The following ACOX2 variants were observed in gnomAD, a reference collection of about 807,000 sequenced individuals.
The protein encoded by ACOX2 is peroxisomal acyl-coenzyme A oxidase 2.
ACOX2 carries 59 observed loss-of-function variants against 77.5 expected under a neutral mutation model. The ratio of observed to expected loss-of-function variants is 0.76; its 90% CI spans 0.62 to 0.95. The LOEUF is 0.95. Ranked by LOEUF, ACOX2 falls within the 40% of genes least tolerant of loss-of-function variation. The pLI is 0.00. For missense variants in ACOX2, 837 were observed against 880.4 expected (o/e 0.95, Z 0.62); for synonymous variants, 317 against 340.1 (o/e 0.93, Z 0.75).
In ACOX2 at chr3:58,533,334, A is replaced by C; in HGVS notation, c.583+111T>G. ...CTGACTTGCCCAAGGTCAGCAGCCTAGAACAGAAAATCAATCTGAGGTCTG... is the reference window on the plus strand; with the variant it reads ...CTGACTTGCCCAAGGTCAGCAGCCTCGAACAGAAAATCAATCTGAGGTCTG... On this transcript the variant is annotated intron_variant, in intron 5 of 14. Transcript: ENST00000302819. This position sits in a 1 kb window ranked among gnomAD's most constrained non-coding sequence, Gnocchi z 5.6. 1 of 1,004,324 alleles carries C rather than the reference A, an allele frequency of 1.0e-6. No homozygotes were observed. Among genetic ancestry groups the C allele is most frequent in the South Asian group, 1.5e-5 (1 of 68,600 alleles). The allele number at this position is 1,004,324 out of a possible 1,614,324, so 62.2% of individuals were successfully genotyped here.
rs60942766 is a variant in ACOX2, at chr3:58,510,709, TACACAC to T, written c.1851-1690_1851-1685del. On this transcript the variant is annotated intron_variant, in intron 13 of 14. Transcript: ENST00000302819. ...ATATATATATATATATATATATATA[TACACAC>T]ACACACACACACACACACACACACA... is the stretch of plus-strand genomic sequence containing the variant. Among the ~76,000 whole-genome samples, 22 of 7,262 alleles carry T rather than the reference TACACAC, an allele frequency of 3.0e-3. 1 individual carries two copies. Among genetic ancestry groups the T allele is most frequent in the South Asian group, 6.3e-3 (1 of 158 alleles). The allele number at this position is 7,262 out of a possible 152,430, so 4.8% of individuals were successfully genotyped here. A position where few individuals can be genotyped will look rare whatever the true frequency, so the allele number is the denominator to read the frequency against.
Position 58,526,192 on chromosome 3 carries a change from C to T in ACOX2, c.1346+274G>A, listed in dbSNP as rs1051295607. ...CAAACCAGAGAAAGATGTGATCCTC[C>T]CTAGGCTCTGAACAGATCCCTCCGG... On this transcript the variant is annotated intron_variant, in intron 10 of 14. Transcript: ENST00000302819. This position sits in a 1 kb window ranked among gnomAD's most constrained non-coding sequence, Gnocchi z 4.3. 5.9e-5 allele frequency among the ~76,000 whole-genome samples: 9 copies of T among 152,082 alleles called. No homozygotes were observed. The East Asian group carries it at 1.7e-3, about 29-fold the overall frequency.
Position 58,523,330 on chromosome 3 carries a change from C to T in ACOX2, c.1527-729G>A, listed in dbSNP as rs1265471707. On this transcript the variant is annotated intron_variant, in intron 11 of 14. Coordinates refer to ENST00000302819, the MANE Select transcript of ACOX2 (RefSeq NM_003500.4). The surrounding 1 kb of genome is among the most constrained non-coding windows in gnomAD (Gnocchi z 5.3). ...ATCACCTCGAGCAGCCTTATCTTCC[C>T]CTCCTCAAATCTCCCAATTGAAATG... 4.6e-5 allele frequency among the ~76,000 whole-genome samples: 7 copies of T among 152,260 alleles called. No homozygotes were observed. The East Asian group carries it at 1.2e-3, about 25-fold the overall frequency.
Position 58,519,792 on chromosome 3 carries a change from G to A in ACOX2, c.1633-2369C>T, listed in dbSNP as rs896762984. On this transcript the variant is annotated intron_variant, in intron 12 of 14. Transcript: ENST00000302819. The surrounding 1 kb of genome is among the most constrained non-coding windows in gnomAD (Gnocchi z 5.0). ...CAGCCATGCTGGGCTTGCAGCATTT[G>A]GCTGTGGAAGGTGAGCAGATGTGCT... Among the ~76,000 whole-genome samples the A allele has an allele frequency of 3.3e-5, 5 of 152,270 alleles. No homozygotes were observed. Among genetic ancestry groups the A allele is most frequent in the African/African-American group, 1.2e-4 (5 of 41,470 alleles).
chr3:58,509,837 C>G (rs1224627012), intron 13 of ACOX2, among the ~76,000 whole-genome samples: 1 of 151,932 alleles, frequency 6.6e-6, no homozygotes, highest in Non-Finnish European at 1.5e-5. Context: ...AATTCCTGAC[C>G]TCAGGTGATC....
chr3:58,514,697 T>C lies in ACOX2; in HGVS notation c.1850+2509A>G, dbSNP rs967251396. 8.5e-5 allele frequency among the ~76,000 whole-genome samples: 13 copies of C among 152,254 alleles called. No individual in the cohort carries two copies. Reference sequence around the variant, plus strand: ...GTTGGCAGATTGCATCTGGGCTGTCTGTCTTGTCTTGAATTGTAAGTTTCT... The same window carrying C: ...GTTGGCAGATTGCATCTGGGCTGTCCGTCTTGTCTTGAATTGTAAGTTTCT... On this transcript the variant is annotated intron_variant, in intron 13 of 14. Coordinates refer to ENST00000302819, the MANE Select transcript of ACOX2 (RefSeq NM_003500.4). The surrounding 1 kb of genome is among the most constrained non-coding windows in gnomAD (Gnocchi z 4.3).
Position 58,534,752 on chromosome 3 carries a change from C to T in ACOX2, c.160+195G>A. The T allele has an allele frequency of 7.6e-7, 1 of 1,317,180 alleles. No homozygotes were observed. 81.6% of individuals were successfully genotyped at this position (1,317,180 alleles called of 1,614,324 possible). ...TCCAGGTCTTCTGCTGCCTAGGACTCTTCTATCCCCTAGGTGGGCTCAGGC... is the reference window on the plus strand; with the variant it reads ...TCCAGGTCTTCTGCTGCCTAGGACTTTTCTATCCCCTAGGTGGGCTCAGGC... On this transcript the variant is annotated intron_variant, in intron 2 of 14. Transcript: ENST00000302819. This position sits in a 1 kb window ranked among gnomAD's most constrained non-coding sequence, Gnocchi z 4.8.
intron 13 of ACOX2, chr3:58,511,428 C>T (rs577351657): frequency 1.7e-4 from 44 of 255,424 alleles, no homozygotes; most frequent in African/African-American, 1.0e-3. Flanking sequence ...TTCTTACAGT[C>T]ATGCTTTGGT....
At chr3:58,509,387 T>C (rs7644286) in intron 13 of ACOX2, among the ~76,000 whole-genome samples, 148,811 of 151,544 alleles carry the variant, frequency 0.98, 73,117 homozygotes, top group East Asian at 1. Flanking sequence ...ATTAGCCAGG[T>C]ATGGTGGCAC....
Position 58,534,100 on chromosome 3 carries a change from C to T in ACOX2, c.369G>A (p.Val123=). The change falls in exon 4 of 15, where the codon GTG becomes GTA. Residue 123 remains valine, a synonymous_variant. Coordinates refer to ENST00000302819, the MANE Select transcript of ACOX2 (RefSeq NM_003500.4). The surrounding 1 kb of genome is among the most constrained non-coding windows in gnomAD (Gnocchi z 4.8). ...CTGAGCCCAGGCTCCTGAGGGCTCTCACGAAGACTCTGTGTATATTTAAGG... is the reference window on the plus strand; with the variant it reads ...CTGAGCCCAGGCTCCTGAGGGCTCTTACGAAGACTCTGTGTATATTTAAGG... The part of the protein sequence containing the change: ...DVALNIHRVF[V]RALRSLGSEE... The T allele has an allele frequency of 6.2e-7, 1 of 1,614,186 alleles. No individual in the cohort carries two copies. The highest frequency in any genetic ancestry group is 8.5e-7 in the Non-Finnish European group (1 of 1,180,028).
In ACOX2 at chr3:58,526,470, CCA is replaced by C. The variant is rs1449438057; in HGVS notation, c.1340_1341del (p.Val447GlyfsTer34). 6.2e-7 allele frequency: 1 copy of C among 1,611,280 alleles called. No individual in the cohort carries two copies. ...CTGGGTCAGCCTGGACCTTACCTGG[CCA>C]CCTGCAGGTAGAGCACTGTGTTCTC... ...EGENTVLYLQ[V>X]ARFLVKSYLQ... On this transcript the variant is annotated frameshift_variant, in exon 10 of 15. Transcript: ENST00000302819. LOFTEE classifies it high-confidence loss of function. This position sits in a 1 kb window ranked among gnomAD's most constrained non-coding sequence, Gnocchi z 4.3.
chr3:58,531,608 C>T lies in ACOX2; in HGVS notation c.703+85G>A. On this transcript the variant is annotated intron_variant, in intron 6 of 14. Coordinates refer to ENST00000302819, the MANE Select transcript of ACOX2 (RefSeq NM_003500.4). This position sits in a 1 kb window ranked among gnomAD's most constrained non-coding sequence, Gnocchi z 5.8. The stretch of plus-strand genomic sequence containing the variant: ...CAAGGGAGACATGTCTTAGCTACTC[C>T]TGTGGCCCTCTGGGGCCCCAGGTCA... The T allele has an allele frequency of 6.4e-7, 1 of 1,555,824 alleles. No individual in the cohort carries two copies. The highest frequency in any genetic ancestry group is 1.2e-5 in the South Asian group (1 of 81,444).
At chr3:58,527,592 A>T (rs539562251) in intron 9 of ACOX2, among the ~76,000 whole-genome samples, 5 of 152,060 alleles carry the variant, frequency 3.3e-5, no homozygotes, top group South Asian at 4.1e-4. Context: ...ACACAGCAAA[A>T]AGCCGTTCAG....
rs538638231 is a variant in ACOX2 at position 58,533,536 on chromosome 3, G to A, written c.492C>T (p.Gly164=). ...CGTCATAGGTGGCTTCAGTCTCCAG[G>A]CCCTGAAGATATGTCCCTTAGGATC... The part of the protein sequence containing the change: ...TELGHGTYLQ[G]LETEATYDAA... The change falls in exon 5 of 15, where the codon GGC becomes GGT. Residue 164 remains glycine (G), a synonymous_variant. Transcript: ENST00000302819. This position sits in a 1 kb window ranked among gnomAD's most constrained non-coding sequence, Gnocchi z 5.6. The A allele has an allele frequency of 6.2e-7, 1 of 1,614,000 alleles. No individual in the cohort carries two copies. Among genetic ancestry groups the A allele is most frequent in the South Asian group, 1.1e-5 (1 of 91,068 alleles).
intron 1 of ACOX2, among the ~76,000 whole-genome samples, chr3:58,536,464 A>C (rs894448762): frequency 9.2e-5 from 14 of 152,182 alleles, no homozygotes; most frequent in Non-Finnish European, 1.6e-4. Context: ...TCATGCAACC[A>C]CATGTAGCAA....
At chr3:58,530,737 G>A (rs9844590) in intron 7 of ACOX2, 99 bp from the exon 8 acceptor site, 47,388 of 1,372,748 alleles carry the variant, frequency 0.035, 2,121 homozygotes, top group East Asian at 0.21. Context: ...AGGGCACCTC[G>A]CCCCTCAACC....
chr3:58,506,115 G>A (rs891179470), intron 14 of ACOX2, among the ~76,000 whole-genome samples: 4 of 152,180 alleles, frequency 2.6e-5, no homozygotes, highest in Non-Finnish European at 5.9e-5. Flanking sequence ...TTGTTCTCCA[G>A]TGTATCTTCA....
chr3:58,510,668 ATATATATATATATATAT>A (rs2063276052), intron 13 of ACOX2, among the ~76,000 whole-genome samples: 2 of 7,396 alleles, frequency 2.7e-4, no homozygotes, highest in South Asian at 6.6e-3. Context: ...AAAAAAATAT[ATATATATATATATATAT>A]ATATATATAT....
chr3:58,535,109 T>C lies in ACOX2; in HGVS notation c.-3A>G, dbSNP rs1451320336. The C allele has an allele frequency of 6.2e-7, 1 of 1,614,210 alleles. No individual in the cohort carries two copies. ...ACTCGGTGCACTGGGCTGCCCATCCTATCCTGGATCTGTCTGGTGACTATG... is the reference window on the plus strand; with the variant it reads ...ACTCGGTGCACTGGGCTGCCCATCCCATCCTGGATCTGTCTGGTGACTATG... On this transcript the variant is annotated 5_prime_UTR_variant, in exon 2 of 15. In the 5' UTR this introduces an upstream ATG that the reference lacks. Coordinates refer to ENST00000302819, the MANE Select transcript of ACOX2 (RefSeq NM_003500.4). This position sits in a 1 kb window ranked among gnomAD's most constrained non-coding sequence, Gnocchi z 4.8.
Sources: allele counts gnomAD v4.1 joint callset (sites outside exome capture counted in the v4.1 genomes callset), GRCh38; gene constraint gnomAD v4.1.1; non-coding constraint Gnocchi (gnomAD v3.1); transcripts MANE v1.5; gene names NCBI Gene and HGNC (gene_info 2026-07-23, HGNC 2026-07-21).